The following SIL1 variants were observed in gnomAD, a reference collection of about 807,000 sequenced individuals.
SIL1 encodes the protein SIL1 nucleotide exchange factor.
Under a neutral mutation model 49.1 loss-of-function variants are expected in SIL1, and 40 were observed. That is an observed-to-expected ratio of 0.81 (90% CI 0.63 to 1.06). SIL1 has a LOEUF of 1.06. SIL1 is among the 50% of genes least tolerant of loss of function. SIL1 has a pLI of 0.00. For synonymous variants in SIL1, 253 were observed against 250.8 expected (o/e 1.01, Z -0.08); for missense variants, 500 against 572.6 (o/e 0.87, Z 1.29).
At chr5:138,972,799 G>A (rs985910746) in intron 7 of SIL1, among the ~76,000 whole-genome samples, 1 of 152,228 alleles carries the variant, frequency 6.6e-6, no homozygotes, top group Non-Finnish European at 1.5e-5. Context: ...TGAACCAAGA[G>A]TTTAATCCTT....
At chr5:139,193,666 G>C (rs966627111) in intron 1 of SIL1, among the ~76,000 whole-genome samples, 1 of 152,156 alleles carries the variant, frequency 6.6e-6, no homozygotes, top group African/African-American at 2.4e-5. Context: ...GAACCCAAAG[G>C]GTTGAGTCTT....
At chr5:139,106,973 A>G (rs1770727378) in intron 3 of SIL1, among the ~76,000 whole-genome samples, 1 of 152,266 alleles carries the variant, frequency 6.6e-6, no homozygotes. Flanking sequence ...GTGCTTAGGT[A>G]GGATAAAACA....
At chr5:139,054,490 T>C (rs1003554490) in intron 3 of SIL1, among the ~76,000 whole-genome samples, 4 of 152,174 alleles carry the variant, frequency 2.6e-5, no homozygotes, top group African/African-American at 9.7e-5. Flanking sequence ...TAGAGTTATA[T>C]GGAAAGGCCA....
intron 1 of SIL1, among the ~76,000 whole-genome samples, chr5:139,150,817 G>A (rs899920691): frequency 6.6e-6 from 1 of 152,146 alleles, no homozygotes; most frequent in African/African-American, 2.4e-5. Context: ...CACTTTGGGA[G>A]CCTAGCCCAA....
At chr5:138,973,287 G>A (rs1224341430) in intron 7 of SIL1, among the ~76,000 whole-genome samples, 2 of 151,300 alleles carry the variant, frequency 1.3e-5, no homozygotes, top group Non-Finnish European at 2.9e-5. Context: ...AATCCAAAGG[G>A]CTCATGCCAG....
At position 138,951,349 on chromosome 5, in the gene SIL1, C is replaced by T; in HGVS notation, c.865-14G>A. 2 of 1,551,788 alleles carry T rather than the reference C, an allele frequency of 1.3e-6. No individual in the cohort carries two copies. Among genetic ancestry groups the T allele is most frequent in the African/African-American group, 2.7e-5 (2 of 73,240 alleles). ...TGCAAACAGGACCTGGGGGCACAGA[C>T]CCAGGGGTAGGTGAGGGGCCAAGCG... On this transcript the variant is annotated splice_polypyrimidine_tract_variant and intron_variant, in intron 8 of 9. Coordinates refer to ENST00000394817, the MANE Select transcript of SIL1 (RefSeq NM_022464.5).
intron 3 of SIL1, among the ~76,000 whole-genome samples, chr5:139,095,421 C>T (rs572238395): frequency 1.3e-3 from 203 of 152,222 alleles, no homozygotes; most frequent in Admixed American, 3.7e-3. Flanking sequence ...GCCACCATAC[C>T]CAGCTAATTT....
chr5:138,983,009 C>A (rs1767561513), intron 7 of SIL1, among the ~76,000 whole-genome samples: 1 of 151,250 alleles, frequency 6.6e-6, no homozygotes, highest in South Asian at 2.1e-4. Context: ...CCAGCCTGGG[C>A]AACATGGTGA....
rs770483534 is a variant in SIL1 at position 138,951,861 on chromosome 5, G to A, written c.791C>T (p.Ala264Val). 3 of 1,613,784 alleles carry A rather than the reference G, an allele frequency of 1.9e-6. No individual in the cohort carries two copies. The African/African-American group carries it at 4.0e-5, about 22-fold the overall frequency. ...CTTCTGCAGGGCTCCCCCTTCGATG[G>A]CCTCCACCTGGACCTTGGGGTTGCT... ...FSSNPKVQVE[A>V]IEGGALQKLL... The change falls in exon 8 of 10, where the codon GCC becomes GTC. Residue 264 changes from alanine (A) to valine (V), a missense_variant. Physicochemically the swap from Ala to Val is moderately conservative, Grantham distance 64 (BLOSUM62 0). Coordinates refer to ENST00000394817, the MANE Select transcript of SIL1 (RefSeq NM_022464.5).
chr5:139,063,416 T>C (rs1248430969), intron 3 of SIL1, among the ~76,000 whole-genome samples: 7 of 152,208 alleles, frequency 4.6e-5, no homozygotes, highest in Non-Finnish European at 8.8e-5. Flanking sequence ...CACACCTGTT[T>C]CCTAGCTAGT....
chr5:139,065,438 C>T (rs1431884472), intron 3 of SIL1, among the ~76,000 whole-genome samples: 1 of 152,222 alleles, frequency 6.6e-6, no homozygotes, highest in African/African-American at 2.4e-5. Context: ...CTTCAGGTTT[C>T]CTGATAAACT....
chr5:139,047,252 C>T (rs1411674771), intron 4 of SIL1, among the ~76,000 whole-genome samples: 2 of 152,184 alleles, frequency 1.3e-5, no homozygotes, highest in African/African-American at 4.8e-5. Context: ...TGGACTAAAA[C>T]CACTAGAGAT....
chr5:138,965,412 T>C (rs1463191006), intron 7 of SIL1, among the ~76,000 whole-genome samples: 2 of 152,176 alleles, frequency 1.3e-5, no homozygotes, highest in Non-Finnish European at 2.9e-5. Context: ...TCTATTAAAA[T>C]GCCATTGTCC....
chr5:139,149,479 T>C (rs1751256861), intron 1 of SIL1, among the ~76,000 whole-genome samples: 1 of 152,006 alleles, frequency 6.6e-6, no homozygotes, highest in South Asian at 2.1e-4. Context: ...CAAATAGGGG[T>C]CCTGTCCTCC....
intron 1 of SIL1, among the ~76,000 whole-genome samples, chr5:139,190,414 G>A (rs1028369979): frequency 1.3e-5 from 2 of 152,218 alleles, no homozygotes; most frequent in African/African-American, 2.4e-5. Context: ...CTTCAACCAT[G>A]AGGGTATAAG....
At chr5:139,059,046 AATGTTAATTATATAT>A (rs1769524779) in intron 3 of SIL1, among the ~76,000 whole-genome samples, 1 of 151,816 alleles carries the variant, frequency 6.6e-6, no homozygotes, top group Admixed American at 6.6e-5. Context: ...TACACACACA[AATGTTAATTATATAT>A]ATGTATATGT....
chr5:138,977,042 A>T (rs1043064653), intron 7 of SIL1, among the ~76,000 whole-genome samples: 11 of 152,252 alleles, frequency 7.2e-5, no homozygotes, highest in African/African-American at 2.6e-4. Context: ...GACCCTCCAG[A>T]TTGTCCTCCA....
At chr5:139,169,862 CCTCTTT>C (rs1260509143) in intron 1 of SIL1, among the ~76,000 whole-genome samples, 30 of 83,130 alleles carry the variant, frequency 3.6e-4, no homozygotes, top group Non-Finnish European at 4.1e-4. Context: ...TCTCCCTCTC[CCTCTTT>C]CCACGGTCTC....
intron 9 of SIL1, among the ~76,000 whole-genome samples, chr5:138,949,070 G>A (rs1766702832): frequency 6.6e-6 from 1 of 152,256 alleles, no homozygotes. Flanking sequence ...CACAAGCTCA[G>A]GGGAATTCTC....
Sources: allele counts gnomAD v4.1 joint callset (sites outside exome capture counted in the v4.1 genomes callset), GRCh38; gene constraint gnomAD v4.1.1; transcripts MANE v1.5; gene names NCBI Gene and HGNC (gene_info 2026-07-23, HGNC 2026-07-21).